The following NR3C2 variants were observed in gnomAD, a reference collection of about 807,000 sequenced individuals.
NR3C2 encodes the protein mineralocorticoid receptor.
Under a neutral mutation model 86.4 loss-of-function variants are expected in NR3C2, and 15 were observed. The ratio of observed to expected loss-of-function variants is 0.17; its 90% CI spans 0.12 to 0.27. The LOEUF (loss-of-function observed/expected upper bound fraction) is 0.27, where lower values mean the gene tolerates loss of function less well. Ranked by LOEUF, NR3C2 falls within the 10% of genes least tolerant of loss-of-function variation. NR3C2 has a pLI of 1.00. For synonymous variants in NR3C2, 458 were observed against 450.5 expected, an observed-to-expected ratio of 1.02 and a Z score of -0.21; for missense variants, 960 against 1,195.6, an observed-to-expected ratio of 0.80 and a Z score of 2.91.
At chr4:148,318,799 G>C (rs1743377459) in intron 2 of NR3C2, among the ~76,000 whole-genome samples, 1 of 152,122 alleles carries the variant, frequency 6.6e-6, no homozygotes, top group Non-Finnish European at 1.5e-5. Context: ...TGAGTAGGTT[G>C]TGAAAATTTT....
intron 2 of NR3C2, among the ~76,000 whole-genome samples, chr4:148,409,922 T>C (rs1033788451): frequency 3.9e-5 from 6 of 152,156 alleles, no homozygotes; most frequent in Non-Finnish European, 1.5e-5. Flanking sequence ...GAAAATTGGA[T>C]AATTTCCCTA....
intron 2 of NR3C2, among the ~76,000 whole-genome samples, chr4:148,302,402 A>AGGTAT (rs4026975): frequency 0.78 from 118,501 of 151,516 alleles, 46,514 homozygotes; most frequent in Middle Eastern, 0.87. Flanking sequence ...TAATTGAGTA[A>AGGTAT]ACATCCTGTG....
At chr4:148,156,833 CT>C (rs199813679) in intron 4 of NR3C2, among the ~76,000 whole-genome samples, 2,023 of 152,238 alleles carry the variant, frequency 0.013, 21 homozygotes, top group Non-Finnish European at 0.018. Flanking sequence ...ATAAATCACG[CT>C]GTGATAAAGA....
intron 1 of NR3C2, among the ~76,000 whole-genome samples, chr4:148,440,028 G>GA (rs375040175): frequency 1.1e-3 from 160 of 152,316 alleles, no homozygotes; most frequent in African/African-American, 3.7e-3. Context: ...TCTCATTAAG[G>GA]AATTTGCAAA....
At chr4:148,099,306 G>T (rs6823228) in intron 8 of NR3C2, among the ~76,000 whole-genome samples, 1 of 152,152 alleles carries the variant, frequency 6.6e-6, no homozygotes, top group Non-Finnish European at 1.5e-5. Context: ...ACTTGGCCCT[G>T]GAGATGCCCA....
In NR3C2 at chr4:148,195,247, A is replaced by C. The variant is rs575609603; in HGVS notation, c.1898-385T>G. ...GCTGCTATGCCTGCCCACCATTTAT[A>C]CATGTGACTTCACTGGGATTTCATA... On this transcript the variant is annotated intron_variant, in intron 3 of 8. Coordinates refer to ENST00000358102, the MANE Select transcript of NR3C2 (RefSeq NM_000901.5). Among the ~76,000 whole-genome samples the C allele has an allele frequency of 2.6e-5, 4 of 152,344 alleles. No homozygotes were observed. The South Asian group carries it at 8.3e-4, about 32-fold the overall frequency.
chr4:148,395,149 GAGAGAGGAAATGTTTTCC>G (rs1747796222), intron 2 of NR3C2, among the ~76,000 whole-genome samples: 1 of 152,234 alleles, frequency 6.6e-6, no homozygotes, highest in South Asian at 2.1e-4. Context: ...TGTATGTGTG[GAGAGAGGAAATGTTTTCC>G]CACTAGTTAC....
At chr4:148,138,364 T>A (rs934393792) in intron 6 of NR3C2, among the ~76,000 whole-genome samples, 2 of 152,198 alleles carry the variant, frequency 1.3e-5, no homozygotes, top group Admixed American at 6.5e-5. Flanking sequence ...GTGTTGTTCA[T>A]ATATTGGGTA....
intron 4 of NR3C2, among the ~76,000 whole-genome samples, chr4:148,172,808 G>T (rs542186408): frequency 6.6e-6 from 1 of 152,320 alleles, no homozygotes; most frequent in African/African-American, 2.4e-5. Context: ...ATAATAAAAT[G>T]TGATGAGTGC....
At chr4:148,175,404 G>C (rs568860235) in intron 4 of NR3C2, among the ~76,000 whole-genome samples, 52 of 152,292 alleles carry the variant, frequency 3.4e-4, no homozygotes, top group Non-Finnish European at 7.2e-4. Flanking sequence ...TAAAAGACTT[G>C]ACAGATGATT....
chr4:148,406,510 G>A (rs1166866925), intron 2 of NR3C2, among the ~76,000 whole-genome samples: 1 of 152,042 alleles, frequency 6.6e-6, no homozygotes, highest in Admixed American at 6.5e-5. Flanking sequence ...CCACAAGTGA[G>A]AGTATATACA....
At chr4:148,203,262 T>C (rs1736822225) in intron 3 of NR3C2, among the ~76,000 whole-genome samples, 2 of 152,036 alleles carry the variant, frequency 1.3e-5, no homozygotes, top group African/African-American at 4.8e-5. Flanking sequence ...CTTCACTAAC[T>C]ACCCCGGTCG....
chr4:148,151,443 C>G (rs1468451041), intron 6 of NR3C2, among the ~76,000 whole-genome samples: 1 of 152,134 alleles, frequency 6.6e-6, no homozygotes, highest in Non-Finnish European at 1.5e-5. Context: ...TGATGCAGTA[C>G]TAGAATTACT....
chr4:148,299,533 T>C (rs1742227941), intron 2 of NR3C2, among the ~76,000 whole-genome samples: 1 of 152,240 alleles, frequency 6.6e-6, no homozygotes, highest in African/African-American at 2.4e-5. Flanking sequence ...ACCTCCTGGC[T>C]GGAGCTGGGG....
At chr4:148,258,844 C>T (rs1579075258) in intron 3 of NR3C2, among the ~76,000 whole-genome samples, 1 of 152,210 alleles carries the variant, frequency 6.6e-6, no homozygotes, top group Non-Finnish European at 1.5e-5. Context: ...GTGCTTAAGC[C>T]AGTTTGCTGT....
At chr4:148,156,392 C>T (rs906187867) in intron 4 of NR3C2, among the ~76,000 whole-genome samples, 7 of 151,558 alleles carry the variant, frequency 4.6e-5, no homozygotes, top group Non-Finnish European at 7.4e-5. Flanking sequence ...CCAGAATCTA[C>T]AATGAACTCA....
At chr4:148,088,785 G>A (rs1249264558) in intron 8 of NR3C2, among the ~76,000 whole-genome samples, 2 of 152,100 alleles carry the variant, frequency 1.3e-5, no homozygotes, top group Non-Finnish European at 2.9e-5. Context: ...GATGGGTGCA[G>A]CAAACCACCA....
intron 6 of NR3C2, among the ~76,000 whole-genome samples, chr4:148,123,550 T>C (rs1732610700): frequency 6.6e-6 from 1 of 152,234 alleles, no homozygotes; most frequent in Non-Finnish European, 1.5e-5. Context: ...CTTGCTGGTT[T>C]TGAGGCTCAG....
At chr4:148,174,358 G>A (rs978330179) in intron 4 of NR3C2, among the ~76,000 whole-genome samples, 3 of 152,086 alleles carry the variant, frequency 2.0e-5, no homozygotes, top group East Asian at 1.9e-4. Context: ...TAGCATCATC[G>A]CTCAGGTATT....
Sources: gnomAD v4.1 joint callset for allele counts (sites outside exome capture counted in the v4.1 genomes callset) on GRCh38, gnomAD v4.1.1 for gene constraint, MANE v1.5 for transcripts, NCBI Gene and HGNC (gene_info 2026-07-23, HGNC 2026-07-21) for gene names.